GSTO1: variants seen among roughly 807,000 people sequenced by gnomAD.
GSTO1 encodes the protein glutathione S-transferase omega 1, also known as glutathione S-transferase omega-1.
GSTO1 carries 27 observed loss-of-function variants against 23.8 expected under a neutral mutation model. That is an observed-to-expected ratio of 1.13 (90% CI 0.83 to 1.56). The LOEUF (loss-of-function observed/expected upper bound fraction) is 1.56, where lower values mean the gene tolerates loss of function less well. Among genes scored for constraint, GSTO1 ranks in the 40% most tolerant of loss-of-function variants. The pLI is 0.00. For missense variants in GSTO1, 255 were observed against 285.8 expected, an observed-to-expected ratio of 0.89 and a Z score of 0.78; for synonymous variants, 105 against 109.3, an observed-to-expected ratio of 0.96 and a Z score of 0.25.
At chr10:104,261,033 GA>G (rs2011136234) in intron 3 of GSTO1, among the ~76,000 whole-genome samples, 1 of 152,180 alleles carries the variant, frequency 6.6e-6, no homozygotes, top group African/African-American at 2.4e-5. Context: ...GGTTCTTAAA[GA>G]AAAATCTCTT....
In GSTO1 at chr10:104,255,266, A is replaced by T; in HGVS notation, c.138A>T (p.Gly46=). The T allele has an allele frequency of 1.2e-6, 2 of 1,600,990 alleles. No homozygotes were observed. Among genetic ancestry groups the T allele is most frequent in the East Asian group, 4.5e-5 (2 of 44,794 alleles). The change falls in exon 2 of 6, where the codon GGA becomes GGT. Residue 46 remains glycine (G), a synonymous_variant. Coordinates refer to ENST00000369713, the MANE Select transcript of GSTO1 (RefSeq NM_004832.3). ...ERTRLVLKAK[G]IRHEVININL... Reference sequence around the variant, plus strand: ...CGCGTCTAGTCCTGAAGGCCAAGGGAATCAGGTGGGCACCCAGGCGGGGGA... The same window carrying T: ...CGCGTCTAGTCCTGAAGGCCAAGGGTATCAGGTGGGCACCCAGGCGGGGGA...
At chr10:104,262,408 T>G (rs2135061266) in intron 3 of GSTO1, among the ~76,000 whole-genome samples, 1 of 152,288 alleles carries the variant, frequency 6.6e-6, no homozygotes, top group Middle Eastern at 3.4e-3. Context: ...CCACTCAGTC[T>G]CCTTTAAAGA....
intron 3 of GSTO1, among the ~76,000 whole-genome samples, chr10:104,261,976 A>G (rs960175030): frequency 2.0e-5 from 3 of 150,168 alleles, no homozygotes; most frequent in Non-Finnish European, 4.4e-5. Flanking sequence ...GAAATCAGAA[A>G]AATTTTCTTC....
chr10:104,260,559 G>A (rs2011130455), intron 3 of GSTO1, among the ~76,000 whole-genome samples: 1 of 152,214 alleles, frequency 6.6e-6, no homozygotes, highest in South Asian at 2.1e-4. Flanking sequence ...TAGCAATCCT[G>A]TAGAAGAACT....
rs138408697 is a variant in GSTO1, at chr10:104,260,719, T to C, written c.366+921T>C. Among the ~76,000 whole-genome samples, 11 of 152,324 alleles carry C rather than the reference T, an allele frequency of 7.2e-5. No individual in the cohort carries two copies. The East Asian group carries it at 1.9e-3, about 27-fold the overall frequency. On this transcript the variant is annotated intron_variant, in intron 3 of 5. Transcript: ENST00000369713. ...TGTCACCTTGGTAGTACGGTCAGTATATAAAGGATTATCTTTAGAGAAAAA... is the reference window on the plus strand; with the variant it reads ...TGTCACCTTGGTAGTACGGTCAGTACATAAAGGATTATCTTTAGAGAAAAA...
Position 104,259,888 on chromosome 10 carries a change from A to G in GSTO1, c.366+90A>G, listed in dbSNP as rs367922754. ...GCCATTTATGGTTCAGTGATTTGGGAGAGAAAAACAAAACAGGAATATGCT... is the reference window on the plus strand; with the variant it reads ...GCCATTTATGGTTCAGTGATTTGGGGGAGAAAAACAAAACAGGAATATGCT... On this transcript the variant is annotated intron_variant, in intron 3 of 5. Coordinates refer to ENST00000369713, the MANE Select transcript of GSTO1 (RefSeq NM_004832.3). 1.5e-5 allele frequency: 12 copies of G among 821,266 alleles called. No individual in the cohort carries two copies. In the African/African-American group the frequency reaches 1.9e-4, roughly 13 times the overall value. The allele number at this position is 821,266 out of a possible 1,614,324, so 50.9% of individuals were successfully genotyped here. A position where few individuals can be genotyped will look rare whatever the true frequency, so the allele number is the denominator to read the frequency against.
intron 2 of GSTO1, among the ~76,000 whole-genome samples, 171 bp from the exon 3 acceptor site, chr10:104,259,405 G>T (rs1225978380): frequency 6.6e-6 from 1 of 152,184 alleles, no homozygotes; most frequent in East Asian, 1.9e-4. Context: ...TTCTTAAAAG[G>T]TGTATCAAAA....
At chr10:104,255,960 G>A (rs1286031006) in intron 2 of GSTO1, among the ~76,000 whole-genome samples, 1 of 152,162 alleles carries the variant, frequency 6.6e-6, no homozygotes, top group East Asian at 1.9e-4. Flanking sequence ...ATGACCTTTG[G>A]ATGTCTGTTG....
chr10:104,259,120 C>G (rs1487213826), intron 2 of GSTO1, among the ~76,000 whole-genome samples: 1 of 152,174 alleles, frequency 6.6e-6, no homozygotes, highest in Non-Finnish European at 1.5e-5. Context: ...CTAGAACTAC[C>G]ATGTGATTCA....
chr10:104,266,226 T>C (rs2011180905), intron 5 of GSTO1, 36 bp downstream of exon 5: 1 of 1,116,452 alleles, frequency 9.0e-7, no homozygotes, highest in Admixed American at 1.7e-5. Flanking sequence ...TAATTTAGGA[T>C]GACAGGTGGA....
In GSTO1 at chr10:104,255,158, G is replaced by C. The variant is rs2091596191; in HGVS notation, c.35-5G>C. 2.5e-6 allele frequency: 4 copies of C among 1,609,742 alleles called. No individual in the cohort carries two copies. Among genetic ancestry groups the C allele is most frequent in the Non-Finnish European group, 3.4e-6 (4 of 1,176,338 alleles). On this transcript the variant is annotated splice_polypyrimidine_tract_variant and splice_region_variant and intron_variant, in intron 1 of 5. Coordinates refer to ENST00000369713, the MANE Select transcript of GSTO1 (RefSeq NM_004832.3). ...GCCGTAATCGCCTTCGCTTCTCCCC[G>C]GCAGGAAGCGCGCCCCCGGGGCCGG...
intron 4 of GSTO1, among the ~76,000 whole-genome samples, chr10:104,263,573 T>C (rs1427728615): frequency 2.6e-5 from 4 of 152,216 alleles, no homozygotes; most frequent in African/African-American, 9.6e-5. Context: ...AGATGTATTT[T>C]ACCTTCTTTT....
intron 3 of GSTO1, among the ~76,000 whole-genome samples, chr10:104,262,253 G>A (rs536025360): frequency 2.0e-5 from 3 of 152,270 alleles, no homozygotes; most frequent in African/African-American, 7.2e-5. Flanking sequence ...TCTACTTTCT[G>A]GCAGCCTCAC....
chr10:104,261,625 CA>C (rs1320420991), intron 3 of GSTO1, among the ~76,000 whole-genome samples: 5 of 152,116 alleles, frequency 3.3e-5, no homozygotes, highest in Admixed American at 1.3e-4. Flanking sequence ...CTGAAGTATG[CA>C]AAGTAATATG....
intron 4 of GSTO1, among the ~76,000 whole-genome samples, chr10:104,263,515 C>T (rs764413592): frequency 1.2e-4 from 18 of 152,112 alleles, no homozygotes; most frequent in Non-Finnish European, 1.9e-4. Flanking sequence ...AAATATTTCC[C>T]ACCAGAAAAA....
At chr10:104,262,834 T>G in intron 3 of GSTO1, 145 bp from the exon 4 acceptor site, 1 of 499,632 alleles carries the variant, frequency 2.0e-6, no homozygotes, top group Non-Finnish European at 3.6e-6. Context: ...GTCCATTACC[T>G]CTGTGAGCGC....
chr10:104,264,386 C>T (rs755877440), intron 4 of GSTO1, among the ~76,000 whole-genome samples: 1 of 151,940 alleles, frequency 6.6e-6, no homozygotes, highest in Non-Finnish European at 1.5e-5. Context: ...GTAGACAGAA[C>T]ACAGTAGGTA....
At chr10:104,258,550 A>C (rs558814579) in intron 2 of GSTO1, among the ~76,000 whole-genome samples, 2 of 152,350 alleles carry the variant, frequency 1.3e-5, no homozygotes, top group South Asian at 4.1e-4. Context: ...ACAACAAAAA[A>C]ACCTGATTTT....
At chr10:104,255,067 G>C (rs2135048308) in intron 1 of GSTO1, 96 bp from the exon 2 acceptor site, 1 of 1,440,636 alleles carries the variant, frequency 6.9e-7, no homozygotes, top group Middle Eastern at 1.9e-4. Context: ...CACCGGCGGG[G>C]AACGGGTCGG....
Sources: gnomAD v4.1 joint callset for allele counts (sites outside exome capture counted in the v4.1 genomes callset) on GRCh38, gnomAD v4.1.1 for gene constraint, MANE v1.5 for transcripts, NCBI Gene and HGNC (gene_info 2026-07-23, HGNC 2026-07-21) for gene names.